Variants in MED20 observed in about 807,000 individuals in gnomAD.
MED20 encodes mediator complex subunit 20, also known as mediator of RNA polymerase II transcription subunit 20.
MED20 carries 19 observed loss-of-function variants against 19.7 expected under a neutral mutation model. That is an observed-to-expected ratio of 0.96 (90% confidence interval 0.67 to 1.42). MED20 has a LOEUF of 1.42. Among genes scored for constraint, MED20 ranks in the 40% most tolerant of loss-of-function variants. MED20 has a pLI of 0.00. For synonymous variants in MED20, 105 were observed against 104.8 expected, an observed-to-expected ratio of 1.00 and a Z score of -0.01; for missense variants, 225 against 273.0, an observed-to-expected ratio of 0.82 and a Z score of 1.24.
At chr6:41,916,687 T>C in intron 2 of MED20, 98 bp downstream of exon 2, 1 of 1,460,002 alleles carries the variant, frequency 6.8e-7, no homozygotes, top group Non-Finnish European at 9.4e-7. Context: ...TGTTTAAGAA[T>C]ACCACCTTTA....
chr6:41,919,756 C>T (rs533736018), intron 1 of MED20, among the ~76,000 whole-genome samples: 109 of 152,156 alleles, frequency 7.2e-4, no homozygotes, highest in African/African-American at 2.4e-3. Flanking sequence ...ACAGCAAGAC[C>T]CCATTTCTAT....
intron 2 of MED20, among the ~76,000 whole-genome samples, chr6:41,912,290 CTCTACCTCCCAAAG>C (rs1362040383): frequency 1.3e-5 from 2 of 149,948 alleles, no homozygotes; most frequent in East Asian, 3.9e-4. Context: ...ATCCTCTCAC[CTCTACCTCCCAAAG>C]TGCTGGGATT....
chr6:41,912,199 CTTTTT>C (rs887419565), intron 2 of MED20, among the ~76,000 whole-genome samples: 3 of 119,294 alleles, frequency 2.5e-5, no homozygotes, highest in African/African-American at 1.1e-4. Flanking sequence ...CCATGCCCAC[CTTTTT>C]TTTTTTTTTT....
intron 2 of MED20, among the ~76,000 whole-genome samples, chr6:41,914,446 A>T (rs1355699286): frequency 6.6e-6 from 1 of 152,202 alleles, no homozygotes; most frequent in Non-Finnish European, 1.5e-5. Flanking sequence ...GTGGCATGGA[A>T]ACAGTAACAG....
intron 2 of MED20, 73 bp downstream of exon 2, chr6:41,916,712 A>C (rs1027314599): frequency 1.9e-6 from 3 of 1,561,298 alleles, no homozygotes; most frequent in South Asian, 2.3e-5. Context: ...AAAAGCAGAA[A>C]GACTTCAATT....
chr6:41,906,374 T>C lies in MED20; in HGVS notation c.*698A>G, dbSNP rs758720719. ...TTCCTGATAACCTTGTAGAGTTAAA[T>C]CTGCCCTAGACCATCTGATTACCTC... On this transcript the variant is annotated 3_prime_UTR_variant, in exon 4 of 4. Coordinates refer to ENST00000265350, the MANE Select transcript of MED20 (RefSeq NM_004275.5). 5 of 152,204 alleles carry C rather than the reference T, an allele frequency of 3.3e-5. No individual in the cohort carries two copies. Among genetic ancestry groups the C allele is most frequent in the Admixed American group, 1.3e-4 (2 of 15,268 alleles). The allele number at this position is 152,204 out of a possible 1,614,324, so 9.4% of individuals were successfully genotyped here.
intron 2 of MED20, among the ~76,000 whole-genome samples, chr6:41,916,007 GA>G (rs1280827759): frequency 1.3e-5 from 2 of 152,144 alleles, no homozygotes; most frequent in East Asian, 3.9e-4. Context: ...AGTACTTTGG[GA>G]AGCTGAGGCC....
intron 1 of MED20, among the ~76,000 whole-genome samples, 182 bp from the exon 2 acceptor site, chr6:41,917,121 G>C (rs1582063208): frequency 6.6e-6 from 1 of 152,022 alleles, no homozygotes. Flanking sequence ...AATTTTTTTG[G>C]CCAGGCGTGG....
Position 41,906,974 on chromosome 6 carries a change from C to T in MED20, c.*98G>A. The stretch of plus-strand genomic sequence containing the variant: ...CAGAGAAGGAGAGTAGAGTCCATGT[C>T]TACCCTGGGTTTCTGGGGTCCAGGG... On this transcript the variant is annotated 3_prime_UTR_variant, in exon 4 of 4. Coordinates refer to ENST00000265350, the MANE Select transcript of MED20 (RefSeq NM_004275.5). 3 of 1,084,310 alleles carry T rather than the reference C, an allele frequency of 2.8e-6. No homozygotes were observed. The highest frequency in any genetic ancestry group is 4.1e-6 in the Non-Finnish European group (3 of 733,800). 67.2% of individuals were successfully genotyped at this position (1,084,310 alleles called of 1,614,324 possible).
chr6:41,909,173 CAAA>C (rs11418802), intron 3 of MED20, 93 bp downstream of exon 3: 88 of 1,313,032 alleles, frequency 6.7e-5, no homozygotes, highest in South Asian at 1.0e-4. Flanking sequence ...GACTCTGTCT[CAAA>C]AAAAAAAAAA....
chr6:41,919,156 G>T (rs1266803868), intron 1 of MED20, among the ~76,000 whole-genome samples: 1 of 146,924 alleles, frequency 6.8e-6, no homozygotes, highest in Non-Finnish European at 1.5e-5. Flanking sequence ...AAAAAAAGAG[G>T]AAACTTAAGT....
In MED20 at chr6:41,921,118, T is replaced by G. The variant is rs1582068099; in HGVS notation, c.-100A>C. ...CAGTTCCCCAACACAACCTTCTGTC[T>G]CAGAAGGGACTCCGGAAATACGTAA... is the stretch of plus-strand genomic sequence containing the variant. On this transcript the variant is annotated 5_prime_UTR_variant, in exon 1 of 4. Coordinates refer to ENST00000265350, the MANE Select transcript of MED20 (RefSeq NM_004275.5). 6.8e-7 allele frequency: 1 copy of G among 1,469,056 alleles called. No individual in the cohort carries two copies. The allele number at this position is 1,469,056 out of a possible 1,614,324, so 91.0% of individuals were successfully genotyped here.
chr6:41,909,731 C>T (rs376653276), intron 2 of MED20, among the ~76,000 whole-genome samples: 32 of 152,282 alleles, frequency 2.1e-4, no homozygotes, highest in African/African-American at 7.0e-4. Context: ...TGGTAAAACC[C>T]ACCCTGCTCT....
chr6:41,907,225 C>G lies in MED20; in HGVS notation c.486G>C (p.Gln162His). ...DCWSLLLEFL[Q>H]SFLGSHTPGA... is the part of the protein sequence containing the mutation. ...CTGGTGTGTGGCTGCCTAGAAAACT[C>G]TGTAGGAACTCGAGCAGCAGACTCC... Residue 162 changes from glutamine to histidine, a missense_variant, in exon 4 of 4, where the codon CAG (glutamine) becomes CAC (histidine). Transcript: ENST00000265350. 6.2e-7 allele frequency: 1 copy of G among 1,614,078 alleles called. No homozygotes were observed. Among genetic ancestry groups the G allele is most frequent in the Non-Finnish European group, 8.5e-7 (1 of 1,180,016 alleles).
rs142076626 is a variant in MED20 at position 41,905,903 on chromosome 6, T to C, written c.*1169A>G. The C allele has an allele frequency of 1.3e-5, 2 of 152,344 alleles. No homozygotes were observed. The highest frequency in any genetic ancestry group is 4.8e-5 in the African/African-American group (2 of 41,580). 9.4% of individuals were successfully genotyped at this position (152,344 alleles called of 1,614,324 possible). On this transcript the variant is annotated 3_prime_UTR_variant, in exon 4 of 4. Coordinates refer to ENST00000265350, the MANE Select transcript of MED20 (RefSeq NM_004275.5). ...AAGGTGTGGAATTAACTTCCTAGTG[T>C]GACTAATCCAACTTAGCTCAAAGCG...
chr6:41,908,774 T>C (rs1049158148), intron 3 of MED20, among the ~76,000 whole-genome samples: 1 of 152,134 alleles, frequency 6.6e-6, no homozygotes, highest in Non-Finnish European at 1.5e-5. Flanking sequence ...CGCTTCCTAC[T>C]TGCCAGCTGT....
At chr6:41,915,890 T>C (rs1032729861) in intron 2 of MED20, among the ~76,000 whole-genome samples, 5 of 152,200 alleles carry the variant, frequency 3.3e-5, no homozygotes, top group Non-Finnish European at 5.9e-5. Flanking sequence ...TGTATGCATA[T>C]ATCCAAACTC....
intron 2 of MED20, among the ~76,000 whole-genome samples, chr6:41,916,294 A>C (rs1235361825): frequency 6.7e-6 from 1 of 149,248 alleles, no homozygotes. Context: ...AAATAAAATA[A>C]AGTGGCCGGG....
intron 2 of MED20, 99 bp from the exon 3 acceptor site, chr6:41,909,621 C>T: frequency 6.6e-7 from 1 of 1,519,912 alleles, no homozygotes; most frequent in Non-Finnish European, 8.9e-7. Flanking sequence ...AGACAGCAAT[C>T]TGGCACTACC....
Sources: gnomAD v4.1 joint callset for allele counts (sites outside exome capture counted in the v4.1 genomes callset) on GRCh38, gnomAD v4.1.1 for gene constraint, MANE v1.5 for transcripts, NCBI Gene and HGNC (gene_info 2026-07-23, HGNC 2026-07-21) for gene names.